The following KCNH6 variants were observed in gnomAD, a reference collection of about 807,000 sequenced individuals.
KCNH6 encodes potassium voltage-gated channel subfamily H member 6.
A neutral mutation model predicts 83.4 loss-of-function variants in KCNH6; 81 were observed. That is an observed-to-expected ratio of 0.97 (90% CI 0.81 to 1.17). The LOEUF (loss-of-function observed/expected upper bound fraction) is 1.17. Among genes scored for constraint, KCNH6 ranks in the 50% most tolerant of loss-of-function variants. The probability of loss-of-function intolerance (pLI) is 0.00; values close to 1 mark genes in which losing one functional copy is unlikely to be tolerated. For missense variants in KCNH6, 1,203 were observed against 1,290.5 expected, an observed-to-expected ratio of 0.93 and a Z score of 1.04; for synonymous variants, 503 against 545.6, an observed-to-expected ratio of 0.92 and a Z score of 1.09.
Position 63,530,410 on chromosome 17 carries a change from C to T in KCNH6, c.543C>T (p.Ile181=), listed in dbSNP as rs182961330. The change falls in exon 4 of 13, where the codon ATC becomes ATT. Residue 181 remains isoleucine, a synonymous_variant. Coordinates refer to ENST00000314672, the MANE Select transcript of KCNH6 (RefSeq NM_001278919.2). ...GCAAGTACAGGACCATCAGCCAGAT[C>T]CCACAGTTCACGCTCAACTTCGTGG... The part of the protein sequence containing the change: ...GRGKYRTISQ[I]PQFTLNFVEF... The T allele has an allele frequency of 2.0e-5, 32 of 1,614,234 alleles. 1 individual carries two copies. In the Admixed American group the frequency reaches 3.7e-4, roughly 18 times the overall value.
At chr17:63,531,052 T>C (rs9898552) in intron 4 of KCNH6, among the ~76,000 whole-genome samples, 58,042 of 152,182 alleles carry the variant, frequency 0.38, 11,577 homozygotes, top group African/African-American at 0.49. Context: ...CAGGGCAGGA[T>C]GAGGCTGGCA....
At chr17:63,536,274 G>A in intron 6 of KCNH6, 1 of 581,960 alleles carries the variant, frequency 1.7e-6, no homozygotes, top group Non-Finnish European at 3.0e-6. Context: ...CATGCTATCT[G>A]CCAGGCACCA....
intron 11 of KCNH6, 89 bp from the exon 12 acceptor site, chr17:63,544,989 G>A: frequency 1.5e-6 from 2 of 1,334,076 alleles, no homozygotes; most frequent in Non-Finnish European, 2.1e-6. Context: ...CCATCTAGCA[G>A]GAACAGCACG....
In KCNH6 at chr17:63,530,229, T is replaced by G. The variant is rs773129771; in HGVS notation, c.446T>G (p.Leu149Trp). The G allele has an allele frequency of 1.2e-6, 2 of 1,614,140 alleles. No homozygotes were observed. The highest frequency in any genetic ancestry group is 4.5e-5 in the East Asian group (2 of 44,874). ...AGCCGCAGCTTGTCCCAGCGCCTGTTGTCCCAGAGCTTCCTGGGCTCCGGT... is the reference window on the plus strand; with the variant it reads ...AGCCGCAGCTTGTCCCAGCGCCTGTGGTCCCAGAGCTTCCTGGGCTCCGGT... The part of the protein sequence containing the change: ...CSSRSLSQRL[L>W]SQSFLGSEGS... Residue 149 changes from leucine to tryptophan, a missense_variant, in exon 3 of 13, where the codon TTG (leucine) becomes TGG (tryptophan). Coordinates refer to ENST00000314672, the MANE Select transcript of KCNH6 (RefSeq NM_001278919.2).
intron 10 of KCNH6, 150 bp from the exon 11 acceptor site, chr17:63,544,099 C>A: frequency 6.2e-7 from 1 of 1,609,672 alleles, no homozygotes; most frequent in Non-Finnish European, 8.5e-7. Flanking sequence ...GGGGCAGGAC[C>A]TTGTGCTCCA....
intron 11 of KCNH6, 120 bp downstream of exon 11, chr17:63,544,531 C>T (rs761053298): frequency 1.3e-6 from 1 of 797,716 alleles, no homozygotes; most frequent in Non-Finnish European, 1.8e-6. Flanking sequence ...CTGCAGGTCT[C>T]CCCATACCTG....
Position 63,535,719 on chromosome 17 carries a change from G to A in KCNH6, c.1152G>A (p.Val384=). The A allele has an allele frequency of 6.2e-7, 1 of 1,613,166 alleles. No homozygotes were observed. The highest frequency in any genetic ancestry group is 2.2e-5 in the East Asian group (1 of 44,876). ...AGACAGCGCGGCTGCTGCGGCTGGT[G>A]CGCGTAGCACGGAAGCTGGACCGCT... ...LLKTARLLRL[V]RVARKLDRYS... Residue 384 remains valine (V), a synonymous_variant, in exon 6 of 13, where the codon GTG becomes GTA. Coordinates refer to ENST00000314672, the MANE Select transcript of KCNH6 (RefSeq NM_001278919.2). The surrounding 1 kb of genome is among the most constrained non-coding windows in gnomAD (Gnocchi z 4.9).
At chr17:63,542,571 A>G in intron 9 of KCNH6, 137 bp downstream of exon 9, 1 of 723,174 alleles carries the variant, frequency 1.4e-6, no homozygotes, top group Non-Finnish European at 2.3e-6. Context: ...TGTGCCTACC[A>G]TGGCTGGCGT....
At position 63,545,850 on chromosome 17, in the gene KCNH6, A is replaced by G. The variant is rs1220328955; in HGVS notation, c.2825A>G (p.Asp942Gly). 1 of 1,613,964 alleles carries G rather than the reference A, an allele frequency of 6.2e-7. No individual in the cohort carries two copies. Among genetic ancestry groups the G allele is most frequent in the Non-Finnish European group, 8.5e-7 (1 of 1,180,036 alleles). ...EHLGSVPKQLDFQRHGSDPGF... is the reference protein window; with the variant it reads ...EHLGSVPKQLGFQRHGSDPGF... ...CTTGGCTCTGTTCCCAAGCAGCTGG[A>G]CTTCCAGAGACATGGCTCAGATCCT... is the stretch of plus-strand genomic sequence containing the variant. The change falls in exon 13 of 13, where the codon GAC becomes GGC. Residue 942 changes from aspartate (D) to glycine (G), a missense_variant. Physicochemically the swap from Asp to Gly is moderately conservative, Grantham distance 94. Transcript: ENST00000314672.
chr17:63,524,434 G>T (rs2031564401), intron 2 of KCNH6, 65 bp downstream of exon 2: 2 of 1,450,710 alleles, frequency 1.4e-6, no homozygotes, highest in Non-Finnish European at 1.9e-6. Flanking sequence ...TCCAGCCAGG[G>T]TGGCCTTGGG....
intron 8 of KCNH6, among the ~76,000 whole-genome samples, chr17:63,541,474 T>C (rs545371530): frequency 1.3e-5 from 2 of 149,322 alleles, no homozygotes; most frequent in Non-Finnish European, 2.9e-5. Flanking sequence ...GTTGTTGTTT[T>C]TAGTAGAGAT....
intron 11 of KCNH6, 121 bp from the exon 12 acceptor site, chr17:63,544,957 A>G (rs2033070384): frequency 2.1e-6 from 2 of 940,432 alleles, no homozygotes; most frequent in South Asian, 1.5e-5. Flanking sequence ...AAATAGCTTC[A>G]GGTAGGCCCC....
At chr17:63,536,982 T>C (rs978949510) in intron 6 of KCNH6, among the ~76,000 whole-genome samples, 17 of 139,078 alleles carry the variant, frequency 1.2e-4, no homozygotes, top group Admixed American at 1.2e-3. Flanking sequence ...AAAAAAGAAT[T>C]TTTCGACAGT....
chr17:63,535,592 G>C lies in KCNH6; in HGVS notation c.1102-77G>C. The C allele has an allele frequency of 7.3e-7, 1 of 1,369,250 alleles. No individual in the cohort carries two copies. The highest frequency in any genetic ancestry group is 1.4e-5 in the South Asian group (1 of 73,222). The allele number at this position is 1,369,250 out of a possible 1,614,324, so 84.8% of individuals were successfully genotyped here. On this transcript the variant is annotated intron_variant, in intron 5 of 12. Coordinates refer to ENST00000314672, the MANE Select transcript of KCNH6 (RefSeq NM_001278919.2). This position sits in a 1 kb window ranked among gnomAD's most constrained non-coding sequence, Gnocchi z 4.9. The stretch of plus-strand genomic sequence containing the variant: ...TGAATGAGTATGTGGTTGTATGCAT[G>C]AGTGAACAAAAGCAGGCCTGACTGC...
chr17:63,523,430 G>A lies in KCNH6; in HGVS notation c.17G>A (p.Gly6Asp), dbSNP rs2031469577. Residue 6 changes from glycine to aspartate, a missense_variant, in exon 1 of 13, where the codon GGC (glycine) becomes GAC (aspartate). Coordinates refer to ENST00000314672, the MANE Select transcript of KCNH6 (RefSeq NM_001278919.2). The surrounding 1 kb of genome is among the most constrained non-coding windows in gnomAD (Gnocchi z 4.2). ...GGCCGAAAGATGCCGGTCCGCAGGGGCCACGTCGCTCCCCAAAACACTTAC... is the reference window on the plus strand; with the variant it reads ...GGCCGAAAGATGCCGGTCCGCAGGGACCACGTCGCTCCCCAAAACACTTAC... MPVRRGHVAPQNTYLD... is the reference protein window; with the variant it reads MPVRRDHVAPQNTYLD... 1.2e-6 allele frequency: 2 copies of A among 1,602,936 alleles called. No individual in the cohort carries two copies. The highest frequency in any genetic ancestry group is 2.3e-5 in the East Asian group (1 of 43,012).
chr17:63,546,534 G>C lies in KCNH6; in HGVS notation c.*632G>C. 6.6e-6 allele frequency: 1 copy of C among 152,566 alleles called. No homozygotes were observed. The highest frequency in any genetic ancestry group is 1.5e-5 in the Non-Finnish European group (1 of 68,262). The allele number at this position is 152,566 out of a possible 1,614,324, so 9.5% of individuals were successfully genotyped here. ...GCTCAGAACCCTCCAGCACCTCATG[G>C]CTCAGCACCAAGGCCCGGGGTTGGT... On this transcript the variant is annotated 3_prime_UTR_variant, in exon 13 of 13. Transcript: ENST00000314672.
At chr17:63,545,502 G>C (rs2033101650) in intron 12 of KCNH6, 107 bp from the exon 13 acceptor site, 5 of 1,205,734 alleles carry the variant, frequency 4.1e-6, no homozygotes, top group African/African-American at 1.5e-5. Flanking sequence ...AGGACCCTGA[G>C]GTGTGGGAAG....
At chr17:63,541,003 G>A (rs892727956) in intron 8 of KCNH6, among the ~76,000 whole-genome samples, 34 of 152,232 alleles carry the variant, frequency 2.2e-4, no homozygotes, top group African/African-American at 7.2e-4. Flanking sequence ...GGCAGGAGGA[G>A]CCCCTCCCTC....
intron 2 of KCNH6, among the ~76,000 whole-genome samples, chr17:63,524,796 G>T (rs1298900660): frequency 6.6e-6 from 1 of 152,248 alleles, no homozygotes; most frequent in Non-Finnish European, 1.5e-5. Flanking sequence ...GGCTGGCAAA[G>T]TGGGGTGGGC....
Sources: gnomAD v4.1 joint callset for allele counts (sites outside exome capture counted in the v4.1 genomes callset) on GRCh38, gnomAD v4.1.1 for gene constraint, Gnocchi (gnomAD v3.1) non-coding constraint, MANE v1.5 for transcripts, NCBI Gene and HGNC (gene_info 2026-07-23, HGNC 2026-07-21) for gene names.